The following TAB1 variants were observed in gnomAD, a reference collection of about 807,000 sequenced individuals.
TAB1 encodes the protein TGF-beta-activated kinase 1 and MAP3K7-binding protein 1.
In TAB1, 30 loss-of-function variants were observed where a neutral mutation model predicts 54.5. The observed-to-expected ratio is 0.55, with a 90% confidence interval of 0.41 to 0.75. The LOEUF (loss-of-function observed/expected upper bound fraction) is 0.75, where lower values mean the gene tolerates loss of function less well. Ranked by LOEUF, TAB1 falls within the 30% of genes least tolerant of loss-of-function variation. TAB1 has a pLI of 0.00. For synonymous variants in TAB1, 289 were observed against 286.9 expected, an observed-to-expected ratio of 1.01 and a Z score of -0.07; for missense variants, 609 against 683.2, an observed-to-expected ratio of 0.89 and a Z score of 1.21.
intron 7 of TAB1, 115 bp from the exon 8 acceptor site, chr22:39,421,712 G>A: frequency 9.1e-7 from 1 of 1,099,552 alleles, no homozygotes. Context: ...TTTTCCTCTT[G>A]TCAGGTTGTG....
At position 39,409,862 on chromosome 22, in the gene TAB1, TA is replaced by T. The variant is rs76427984; in HGVS notation, c.34-5142del. Among the ~76,000 whole-genome samples, 5 of 152,190 alleles carry T rather than the reference TA, an allele frequency of 3.3e-5. No individual in the cohort carries two copies. In the East Asian group the frequency reaches 9.6e-4, roughly 29 times the overall value. On this transcript the variant is annotated intron_variant, in intron 1 of 10. Coordinates refer to ENST00000216160, the MANE Select transcript of TAB1 (RefSeq NM_006116.3). ...CTCTCCCTAGAAGGGAGGCTTCAAA[TA>T]AGGAGCCTCTCTGTTTTCTCTTCTG...
downstream of TAB1, chr22:39,433,475 GTC>G (rs1231923431): frequency 1.7e-5 from 17 of 983,604 alleles, no homozygotes; most frequent in Non-Finnish European, 2.1e-5. Context: ...AAAGACATCA[GTC>G]TCTCCCAAAA....
chr22:39,426,290 C>G (rs1927331275), intron 8 of TAB1, among the ~76,000 whole-genome samples: 1 of 152,234 alleles, frequency 6.6e-6, no homozygotes, highest in Non-Finnish European at 1.5e-5. Flanking sequence ...TCCCCAGTTC[C>G]TGACAAAATC....
At chr22:39,402,115 C>T (rs969079304) in intron 1 of TAB1, among the ~76,000 whole-genome samples, 1 of 151,998 alleles carries the variant, frequency 6.6e-6, no homozygotes, top group Non-Finnish European at 1.5e-5. Context: ...AGGAGTTTGC[C>T]AAGCAGAGGA....
chr22:39,410,255 G>A (rs138723040), intron 1 of TAB1, among the ~76,000 whole-genome samples: 8 of 152,182 alleles, frequency 5.3e-5, no homozygotes, highest in African/African-American at 7.2e-5. Flanking sequence ...TTACAGGTGC[G>A]CACCACCACG....
At chr22:39,418,030 G>C (rs960489245) in intron 5 of TAB1, among the ~76,000 whole-genome samples, 181 bp downstream of exon 5, 6 of 152,232 alleles carry the variant, frequency 3.9e-5, no homozygotes, top group Non-Finnish European at 7.3e-5. Context: ...AGGGAGAAAG[G>C]ACGGGATGGG....
chr22:39,426,859 C>T lies in TAB1; in HGVS notation c.1078C>T (p.Leu360=), dbSNP rs768314691. 7 of 1,613,410 alleles carry T rather than the reference C, an allele frequency of 4.3e-6. No homozygotes were observed. The highest frequency in any genetic ancestry group is 5.1e-6 in the Non-Finnish European group (6 of 1,180,020). ...RFCPRHEDMT[L]LVRNFGYPLG... The stretch of plus-strand genomic sequence containing the variant: ...CTGCCCCCGGCACGAGGACATGACC[C>T]TGCTAGTGAGGAACTTTGGCTACCC... The change falls in exon 9 of 11, where the codon CTG becomes TTG. Residue 360 remains leucine (L), a synonymous_variant. Coordinates refer to ENST00000216160, the MANE Select transcript of TAB1 (RefSeq NM_006116.3).
In TAB1 at chr22:39,431,358, T is replaced by C. The variant is rs1365961490; in HGVS notation, c.*1136T>C. 1 of 985,322 alleles carries C rather than the reference T, an allele frequency of 1.0e-6. No individual in the cohort carries two copies. Among genetic ancestry groups the C allele is most frequent in the African/African-American group, 1.7e-5 (1 of 57,192 alleles). The allele number at this position is 985,322 out of a possible 1,614,324, so 61.0% of individuals were successfully genotyped here. A position where few individuals can be genotyped will look rare whatever the true frequency, so the allele number is the denominator to read the frequency against. On this transcript the variant is annotated 3_prime_UTR_variant, in exon 11 of 11. Transcript: ENST00000216160. The stretch of plus-strand genomic sequence containing the variant: ...TTTCAGAGGAAGCAGGCCGAGAGAC[T>C]TGCACCTTGGCCAAGCCACACAATC...
chr22:39,422,426 T>TTTTTTTTTTG (rs1364587511), intron 8 of TAB1, among the ~76,000 whole-genome samples: 1 of 144,142 alleles, frequency 6.9e-6, no homozygotes, highest in Non-Finnish European at 1.5e-5. Flanking sequence ...TTTTTTTTTT[T>TTTTTTTTTTG]GAGACAGCGT....
downstream of TAB1, among the ~76,000 whole-genome samples, chr22:39,432,129 G>C (rs555563860): frequency 5.8e-4 from 88 of 152,352 alleles, no homozygotes; most frequent in African/African-American, 2.0e-3. Flanking sequence ...ATCTGAAGGG[G>C]GTGACAGTTT....
At chr22:39,433,957 C>A, downstream of TAB1, 1 of 403,360 alleles carries the variant, frequency 2.5e-6, no homozygotes, top group Non-Finnish European at 3.4e-6. Flanking sequence ...TGTCGCCTCT[C>A]GCCTGCTCCA....
Position 39,430,721 on chromosome 22 carries a change from G to A in TAB1, c.*499G>A. The A allele has an allele frequency of 9.8e-7, 1 of 1,024,030 alleles. No individual in the cohort carries two copies. Among genetic ancestry groups the A allele is most frequent in the South Asian group, 3.9e-5 (1 of 25,340 alleles). 63.4% of individuals were successfully genotyped at this position (1,024,030 alleles called of 1,614,324 possible). On this transcript the variant is annotated 3_prime_UTR_variant, in exon 11 of 11. Coordinates refer to ENST00000216160, the MANE Select transcript of TAB1 (RefSeq NM_006116.3). ...CATCCAGAGTGGAACCCAGGCTGGT[G>A]TCCGCATCTGTCCCTGGGCCCCACC...
downstream of TAB1, chr22:39,433,364 T>C: frequency 3.7e-6 from 3 of 818,632 alleles, no homozygotes; most frequent in Non-Finnish European, 4.4e-6. Context: ...GGCAGGAGAA[T>C]AGCGTGAACC....
downstream of TAB1, chr22:39,432,625 G>T: frequency 2.1e-6 from 1 of 485,976 alleles, no homozygotes; most frequent in Non-Finnish European, 2.7e-6. Context: ...CTGGAGCTTT[G>T]GTGTCAGCCC....
At chr22:39,416,702 A>G (rs1019101479) in intron 3 of TAB1, 89 bp from the exon 4 acceptor site, 14 of 1,252,776 alleles carry the variant, frequency 1.1e-5, no homozygotes, top group Non-Finnish European at 1.6e-5. Context: ...GAAGACAGCA[A>G]AGCTGCTGCT....
At chr22:39,401,034 C>CAAAAAAAAAAAA (rs566248298) in intron 1 of TAB1, among the ~76,000 whole-genome samples, 1 of 45,700 alleles carries the variant, frequency 2.2e-5, no homozygotes, top group Non-Finnish European at 5.1e-5. Context: ...GACTGTGTCT[C>CAAAAAAAAAAAA]AAAAAAAAAA....
chr22:39,402,626 C>CA (rs1331316833), intron 1 of TAB1, among the ~76,000 whole-genome samples: 1 of 150,176 alleles, frequency 6.7e-6, no homozygotes, highest in African/African-American at 2.5e-5. Flanking sequence ...GATCTCGGCT[C>CA]ACTGCAACCT....
At chr22:39,436,752 T>TGGCC, downstream of TAB1, 1 of 600,680 alleles carries the variant, frequency 1.7e-6, no homozygotes, top group Non-Finnish European at 3.0e-6. Flanking sequence ...TCACCTAGAA[T>TGGCC]GGCCCATCCT....
chr22:39,423,073 A>G (rs1364678743), intron 8 of TAB1, among the ~76,000 whole-genome samples: 5 of 151,670 alleles, frequency 3.3e-5, no homozygotes, highest in South Asian at 2.1e-4. Context: ...TCTGGGTTCA[A>G]CCGATCCTCC....
Sources: gnomAD v4.1 joint callset for allele counts (sites outside exome capture counted in the v4.1 genomes callset) on GRCh38, gnomAD v4.1.1 for gene constraint, MANE v1.5 for transcripts, NCBI Gene and HGNC (gene_info 2026-07-23, HGNC 2026-07-21) for gene names.